SOX6: variants seen among roughly 807,000 people sequenced by gnomAD.
SOX6 encodes the protein SRY-box transcription factor 6.
In SOX6, 11 loss-of-function variants were observed where a neutral mutation model predicts 97.8. The ratio of observed to expected loss-of-function variants is 0.11; its 90% CI spans 0.07 to 0.19. SOX6 has a LOEUF of 0.19. SOX6 is among the 10% of genes least tolerant of loss of function. The pLI is 1.00. For synonymous variants in SOX6, 360 were observed against 371.4 expected (o/e 0.97, Z 0.35); for missense variants, 810 against 1,039.5 (o/e 0.78, Z 3.04).
At chr11:16,470,714 C>T (rs1860127333) in intron 1 of SOX6, among the ~76,000 whole-genome samples, 1 of 152,044 alleles carries the variant, frequency 6.6e-6, no homozygotes, top group Non-Finnish European at 1.5e-5. Context: ...GAGGAAAGCA[C>T]GGTGTTGTGA....
chr11:16,074,066 C>T (rs947154566), intron 9 of SOX6, among the ~76,000 whole-genome samples: 12 of 152,004 alleles, frequency 7.9e-5, no homozygotes, highest in African/African-American at 2.9e-4. Flanking sequence ...CAAATCAACC[C>T]CAAAACTACC....
intron 6 of SOX6, among the ~76,000 whole-genome samples, chr11:16,168,177 T>A (rs998725996): frequency 1.3e-5 from 2 of 152,106 alleles, no homozygotes; most frequent in African/African-American, 4.8e-5. Context: ...TGGCATGACA[T>A]AACATGAATC....
intron 4 of SOX6, among the ~76,000 whole-genome samples, chr11:16,498,575 A>G (rs543950581): frequency 2.0e-5 from 3 of 152,324 alleles, no homozygotes; most frequent in East Asian, 3.9e-4. Context: ...TCTCACGTGC[A>G]GAGACACACA....
chr11:16,041,358 G>A (rs912831066), intron 12 of SOX6, among the ~76,000 whole-genome samples: 6 of 152,098 alleles, frequency 3.9e-5, no homozygotes, highest in African/African-American at 9.7e-5. Flanking sequence ...TTGACAATGC[G>A]AAGCAGAAGA....
chr11:16,360,879 T>C (rs1417217552), upstream of SOX6, among the ~76,000 whole-genome samples: 2 of 151,810 alleles, frequency 1.3e-5, no homozygotes, highest in African/African-American at 2.4e-5. Flanking sequence ...GGCAGGCACC[T>C]GTAGTCCCAG....
chr11:16,525,497 A>C (rs1861142918), intron 4 of SOX6, among the ~76,000 whole-genome samples: 1 of 152,068 alleles, frequency 6.6e-6, no homozygotes, highest in East Asian at 1.9e-4. Context: ...TGGATTAAAG[A>C]CTTAAACGTT....
chr11:16,502,293 C>T (rs923363862), intron 4 of SOX6, among the ~76,000 whole-genome samples: 1 of 152,090 alleles, frequency 6.6e-6, no homozygotes, highest in Non-Finnish European at 1.5e-5. Flanking sequence ...AGTGGAACAT[C>T]ACACACTGGG....
intron 4 of SOX6, among the ~76,000 whole-genome samples, chr11:16,497,054 T>G (rs970202131): frequency 2.0e-5 from 3 of 152,146 alleles, no homozygotes; most frequent in Admixed American, 2.0e-4. Flanking sequence ...GTAGCCTAAC[T>G]GGGAGGCACC....
intron 4 of SOX6, among the ~76,000 whole-genome samples, chr11:16,595,225 C>G (rs1848198965): frequency 6.6e-6 from 1 of 151,830 alleles, no homozygotes; most frequent in Non-Finnish European, 1.5e-5. Context: ...TGCAAGTCTC[C>G]AGGATGCCAA....
chr11:16,696,942 T>A (rs1848058343), intron 3 of SOX6, among the ~76,000 whole-genome samples: 1 of 150,322 alleles, frequency 6.7e-6, no homozygotes, highest in African/African-American at 2.5e-5. Context: ...CAAACCCTGC[T>A]GCTGCTTTAT....
At chr11:16,304,256 G>C (rs1855351504) in intron 3 of SOX6, among the ~76,000 whole-genome samples, 1 of 152,052 alleles carries the variant, frequency 6.6e-6, no homozygotes, top group East Asian at 1.9e-4. Context: ...ATGTTGCTGT[G>C]TTCTGAATTT....
chr11:16,619,220 A>C (rs1848509245), intron 3 of SOX6, among the ~76,000 whole-genome samples: 1 of 151,750 alleles, frequency 6.6e-6, no homozygotes, highest in Non-Finnish European at 1.5e-5. Flanking sequence ...TGGATGTGAT[A>C]ATCATGAGCC....
chr11:16,459,172 C>A (rs1043038680), intron 1 of SOX6, among the ~76,000 whole-genome samples: 1 of 151,934 alleles, frequency 6.6e-6, no homozygotes, highest in Non-Finnish European at 1.5e-5. Flanking sequence ...CTTCATAATA[C>A]AAGGAACGCT....
chr11:16,049,901 C>G lies in SOX6; in HGVS notation c.1289G>C (p.Arg430Pro). Residue 430 changes from arginine to proline, a missense_variant, in exon 11 of 16, where the codon CGA becomes CCA. By Grantham distance (103) the Arg-to-Pro change is moderately radical (BLOSUM62 -2). Transcript: ENST00000683767. ...CTTTACAGGCTCTGCTGTCTTGGGT[C>G]GGGATGAGAGATTCAGAGGCTGTGC... The part of the protein sequence containing the change: ...AAAQPLNLSS[R>P]PKTAEPVKSP... The G allele has an allele frequency of 6.2e-7, 1 of 1,613,514 alleles. No individual in the cohort carries two copies. The highest frequency in any genetic ancestry group is 8.5e-7 in the Non-Finnish European group (1 of 1,179,740).
At chr11:16,637,612 A>G (rs936670317) in intron 3 of SOX6, among the ~76,000 whole-genome samples, 3 of 152,252 alleles carry the variant, frequency 2.0e-5, no homozygotes, top group Non-Finnish European at 4.4e-5. Context: ...TGATTAGGGT[A>G]AATGATTGAA....
At chr11:16,563,054 A>G (rs1206683604) in intron 4 of SOX6, among the ~76,000 whole-genome samples, 2 of 152,210 alleles carry the variant, frequency 1.3e-5, no homozygotes, top group African/African-American at 4.8e-5. Flanking sequence ...ACCACAAAAG[A>G]TCTCAAATTA....
intron 6 of SOX6, among the ~76,000 whole-genome samples, chr11:16,154,454 T>A (rs939861544): frequency 1.3e-5 from 2 of 152,132 alleles, no homozygotes; most frequent in Admixed American, 6.6e-5. Context: ...CTCCTTATTT[T>A]AAATTGTATG....
intron 13 of SOX6, among the ~76,000 whole-genome samples, chr11:16,009,189 A>G (rs530505322): frequency 6.6e-6 from 1 of 152,204 alleles, no homozygotes; most frequent in African/African-American, 2.4e-5. Flanking sequence ...CATCTCTGAT[A>G]TAATTACACA....
intron 1 of SOX6, among the ~76,000 whole-genome samples, chr11:16,401,772 G>A (rs996680001): frequency 6.6e-6 from 1 of 151,356 alleles, no homozygotes; most frequent in African/African-American, 2.4e-5. Flanking sequence ...TAGGGTGGTT[G>A]GCTAGAACAA....
Sources: gnomAD v4.1 joint callset for allele counts (sites outside exome capture counted in the v4.1 genomes callset) on GRCh38, gnomAD v4.1.1 for gene constraint, MANE v1.5 for transcripts, NCBI Gene and HGNC (gene_info 2026-07-23, HGNC 2026-07-21) for gene names.